Variants in KIF6 observed in about 807,000 individuals in gnomAD.
The protein encoded by KIF6 is kinesin-like protein KIF6.
In KIF6, 106 loss-of-function variants were observed where a neutral mutation model predicts 112.7. The ratio of observed to expected loss-of-function variants is 0.94; its 90% CI spans 0.80 to 1.11. KIF6 has a LOEUF of 1.11. Ranked by LOEUF, KIF6 falls within the 50% of genes least tolerant of loss-of-function variation. The pLI, the probability that KIF6 is intolerant of heterozygous loss-of-function variation, is 0.00. For missense variants in KIF6, 929 were observed against 964.0 expected (o/e 0.96, Z 0.48); for synonymous variants, 339 against 339.9 (o/e 1.00, Z 0.03).
intron 5 of KIF6, among the ~76,000 whole-genome samples, chr6:39,631,099 T>C (rs1243630100): frequency 6.6e-6 from 1 of 152,078 alleles, no homozygotes; most frequent in South Asian, 2.1e-4. Flanking sequence ...TTTTTGCATG[T>C]GTAGTCACAA....
intron 10 of KIF6, among the ~76,000 whole-genome samples, chr6:39,567,108 A>G (rs965059577): frequency 3.9e-5 from 6 of 152,234 alleles, no homozygotes; most frequent in African/African-American, 1.4e-4. Context: ...GAAGCTTGAA[A>G]AGACTTCTAT....
intron 3 of KIF6, among the ~76,000 whole-genome samples, chr6:39,675,718 C>T (rs1303209245): frequency 1.3e-5 from 2 of 150,752 alleles, no homozygotes; most frequent in African/African-American, 4.9e-5. Flanking sequence ...ATTAAATACC[C>T]AAAATAAGTT....
chr6:39,355,807 G>A (rs1409427043), intron 19 of KIF6, among the ~76,000 whole-genome samples: 1 of 149,264 alleles, frequency 6.7e-6, no homozygotes, highest in Non-Finnish European at 1.5e-5. Flanking sequence ...TTAAAGAATA[G>A]TTTTACATTT....
chr6:39,691,476 C>G (rs1788205754), intron 3 of KIF6: 1 of 152,118 alleles, frequency 6.6e-6, no homozygotes, highest in South Asian at 2.1e-4. Flanking sequence ...TTCTGTGACT[C>G]AAGCTTTTCA....
chr6:39,429,764 C>T (rs529401909), intron 14 of KIF6, among the ~76,000 whole-genome samples: 3 of 152,124 alleles, frequency 2.0e-5, no homozygotes, highest in African/African-American at 7.2e-5. Flanking sequence ...AAAAATTAGC[C>T]AGGTGTGGTG....
At position 39,332,546 on chromosome 6, in the gene KIF6, G is replaced by T. The variant is rs1474866751; in HGVS notation, c.*3986C>A. The T allele has an allele frequency of 6.6e-6, 1 of 152,172 alleles. No homozygotes were observed. The highest frequency in any genetic ancestry group is 1.5e-5 in the Non-Finnish European group (1 of 68,046). 9.4% of individuals were successfully genotyped at this position (152,172 alleles called of 1,614,324 possible). On this transcript the variant is annotated 3_prime_UTR_variant, in exon 23 of 23. Transcript: ENST00000287152. ...GGACTAATTTGGCCCCACTTCTGAG[G>T]CAGTACCTTATGTGTCTCTATACAA...
intron 14 of KIF6, among the ~76,000 whole-genome samples, chr6:39,425,584 T>C (rs1770704252): frequency 6.6e-6 from 1 of 152,034 alleles, no homozygotes; most frequent in South Asian, 2.1e-4. Flanking sequence ...AGCTGTAAAG[T>C]CTTCTCCAGC....
chr6:39,624,166 T>C (rs1359566690), intron 5 of KIF6, among the ~76,000 whole-genome samples: 1 of 152,166 alleles, frequency 6.6e-6, no homozygotes, highest in Non-Finnish European at 1.5e-5. Context: ...AGTGGGATAG[T>C]CGAGTGTGGT....
chr6:39,602,988 G>A (rs138462028), intron 6 of KIF6, among the ~76,000 whole-genome samples: 3 of 152,142 alleles, frequency 2.0e-5, no homozygotes, highest in South Asian at 2.1e-4. Context: ...CCAAACCCTG[G>A]AACAATCCAA....
intron 7 of KIF6, among the ~76,000 whole-genome samples, chr6:39,590,964 A>G (rs1781920903): frequency 6.6e-6 from 1 of 152,244 alleles, no homozygotes; most frequent in Non-Finnish European, 1.5e-5. Context: ...TCCATGTGGT[A>G]GAAGTCAGTC....
At chr6:39,568,837 C>T (rs1365281552) in intron 10 of KIF6, among the ~76,000 whole-genome samples, 1 of 152,168 alleles carries the variant, frequency 6.6e-6, no homozygotes, top group Non-Finnish European at 1.5e-5. Context: ...AGGCATGAGC[C>T]ACTGAGCCTG....
intron 6 of KIF6, among the ~76,000 whole-genome samples, chr6:39,596,995 G>A (rs560236230): frequency 6.6e-6 from 1 of 152,146 alleles, no homozygotes; most frequent in South Asian, 2.1e-4. Flanking sequence ...AAATAATAAG[G>A]GATGAATTTT....
chr6:39,456,437 C>A (rs1478225252), intron 13 of KIF6, among the ~76,000 whole-genome samples: 6 of 28,908 alleles, frequency 2.1e-4, no homozygotes, highest in East Asian at 9.6e-4. Context: ...TAAAGACCAT[C>A]GAGACTAGGA....
intron 3 of KIF6, among the ~76,000 whole-genome samples, chr6:39,658,786 T>C (rs917171694): frequency 1.3e-5 from 2 of 152,232 alleles, no homozygotes; most frequent in Non-Finnish European, 2.9e-5. Context: ...AACTCAATAA[T>C]GAAGGTCTTC....
At chr6:39,386,758 A>C (rs561856015) in intron 15 of KIF6, among the ~76,000 whole-genome samples, 32 of 152,162 alleles carry the variant, frequency 2.1e-4, no homozygotes, top group Admixed American at 6.5e-4. Flanking sequence ...TGCATGAAGG[A>C]GGGGTGAAAC....
intron 3 of KIF6, among the ~76,000 whole-genome samples, chr6:39,655,671 C>G (rs545513362): frequency 2.8e-4 from 43 of 152,180 alleles, no homozygotes; most frequent in African/African-American, 1.0e-3. Context: ...TTAAATGATC[C>G]ATTATTCCCT....
chr6:39,704,989 A>T (rs1789112349), intron 3 of KIF6, among the ~76,000 whole-genome samples: 1 of 152,224 alleles, frequency 6.6e-6, no homozygotes, highest in South Asian at 2.1e-4. Flanking sequence ...AGGTGCTTTA[A>T]TTTATTTTAG....
At position 39,586,415 on chromosome 6, in the gene KIF6, G is replaced by A. The variant is rs528451297; in HGVS notation, c.847-11C>T. On this transcript the variant is annotated splice_polypyrimidine_tract_variant and intron_variant, in intron 7 of 22. Coordinates refer to ENST00000287152, the MANE Select transcript of KIF6 (RefSeq NM_145027.6). Reference sequence around the variant, plus strand: ...AAGGGCAATGATAACCTGTGGTAAAGTAGAAAGATAATGGGATTAATTTAG... The same window carrying A: ...AAGGGCAATGATAACCTGTGGTAAAATAGAAAGATAATGGGATTAATTTAG... The A allele has an allele frequency of 4.2e-5, 67 of 1,612,312 alleles. No individual in the cohort carries two copies. The African/African-American group carries it at 8.7e-4, about 21-fold the overall frequency.
intron 16 of KIF6, among the ~76,000 whole-genome samples, chr6:39,385,044 CAGT>C (rs1328374677): frequency 6.6e-6 from 1 of 152,164 alleles, no homozygotes; most frequent in Non-Finnish European, 1.5e-5. Context: ...TTGCAGTGGG[CAGT>C]AAATAGCATG....
Sources: gnomAD v4.1 joint callset for allele counts (sites outside exome capture counted in the v4.1 genomes callset) on GRCh38, gnomAD v4.1.1 for gene constraint, MANE v1.5 for transcripts, NCBI Gene and HGNC (gene_info 2026-07-23, HGNC 2026-07-21) for gene names.